COQ8A: variants seen among roughly 807,000 people sequenced by gnomAD.
COQ8A encodes the protein coenzyme Q8A, also known as atypical kinase COQ8A, mitochondrial.
In COQ8A, 51 loss-of-function variants were observed where a neutral mutation model predicts 65.0. The ratio of observed to expected loss-of-function variants is 0.78; its 90% CI spans 0.63 to 0.99. The LOEUF (loss-of-function observed/expected upper bound fraction) is 0.99. Among genes scored for constraint, COQ8A ranks in the 50% least tolerant of loss-of-function variants. The probability of loss-of-function intolerance (pLI) is 0.00; values close to 1 mark genes in which losing one functional copy is unlikely to be tolerated. For synonymous variants in COQ8A, 371 were observed against 353.2 expected, an observed-to-expected ratio of 1.05 and a Z score of -0.57; for missense variants, 940 against 875.0, an observed-to-expected ratio of 1.07 and a Z score of -0.94.
intron 1 of COQ8A, among the ~76,000 whole-genome samples, chr1:226,953,674 C>T (rs1269007539): frequency 6.6e-6 from 1 of 152,192 alleles, no homozygotes; most frequent in African/African-American, 2.4e-5. Flanking sequence ...TCTTTCTCAT[C>T]TCCTGGGTTC....
chr1:226,982,217 G>C, intron 6 of COQ8A, 68 bp downstream of exon 6: 1 of 1,531,304 alleles, frequency 6.5e-7, no homozygotes, highest in African/African-American at 1.4e-5. Context: ...TTCCAGGGCC[G>C]GGAGCAGTGG....
chr1:226,953,417 T>TACATTCTTGTAGTGAATGTTC (rs1233335725), intron 1 of COQ8A, among the ~76,000 whole-genome samples: 4 of 152,266 alleles, frequency 2.6e-5, no homozygotes, highest in African/African-American at 9.6e-5. Context: ...TTGTGATGTT[T>TACATTCTTGTAGTGAATGTTC]ACATTCTTGT....
rs1658939230 is a variant in COQ8A, at chr1:226,972,052, C to A, written c.656-5397C>A. Among the ~76,000 whole-genome samples, 1 of 152,194 alleles carries A rather than the reference C, an allele frequency of 6.6e-6. No homozygotes were observed. The highest frequency in any genetic ancestry group is 1.5e-5 in the Non-Finnish European group (1 of 68,028). On this transcript the variant is annotated intron_variant, in intron 4 of 14. Coordinates refer to ENST00000366777, the MANE Select transcript of COQ8A (RefSeq NM_020247.5). The surrounding 1 kb of genome is among the most constrained non-coding windows in gnomAD (Gnocchi z 4.3). ...TCCATGCCTTTTTCCATTTATCCTT[C>A]AGTCTTGCAGGTTTAGAGGAGATGA...
At position 226,967,480 on chromosome 1, in the gene COQ8A, A is replaced by T. The variant is rs12562621; in HGVS notation, c.655+1743A>T. Among the ~76,000 whole-genome samples the T allele has an allele frequency of 2.5e-3, 376 of 152,284 alleles. 9 individuals carry two copies. In the East Asian group the frequency reaches 0.046, roughly 19 times the overall value. On this transcript the variant is annotated intron_variant, in intron 4 of 14. Transcript: ENST00000366777. ...AGCGGTAGAGCTAATGCAGGCTGTT[A>T]GGGAAAAGTGGTCAGAATGAAAGTC...
At chr1:226,986,336 C>T (rs1660110816) in intron 14 of COQ8A, 117 bp from the exon 15 acceptor site, 2 of 1,179,436 alleles carry the variant, frequency 1.7e-6, no homozygotes, top group Non-Finnish European at 2.4e-6. Context: ...ATGATGTAAT[C>T]CAGTTTACAG....
In COQ8A at chr1:226,984,152, A is replaced by C; in HGVS notation, c.1315A>C (p.Ser439Arg). 1 of 1,613,884 alleles carries C rather than the reference A, an allele frequency of 6.2e-7. No individual in the cohort carries two copies. The highest frequency in any genetic ancestry group is 8.5e-7 in the Non-Finnish European group (1 of 1,179,990). The change falls in exon 11 of 15, where the codon AGC becomes CGC. Residue 439 changes from serine (S) to arginine (R), a missense_variant. Physicochemically the swap from Ser to Arg is moderately radical, Grantham distance 110. Coordinates refer to ENST00000366777, the MANE Select transcript of COQ8A (RefSeq NM_020247.5). ...YVPEIVDELC[S>R]PHVLTTELVS... ...GCCTGAGATTGTGGATGAGCTCTGC[A>C]GCCCACATGTGCTGACCACAGAGCT...
intron 1 of COQ8A, among the ~76,000 whole-genome samples, chr1:226,956,285 CACTCTCCCTGGTTCA>C (rs1558184069): frequency 1.9e-5 from 2 of 106,056 alleles, no homozygotes; most frequent in African/African-American, 8.8e-5. Flanking sequence ...CCCTGGCTTC[CACTCTCCCTGGTTCA>C]CACTCTCCCT....
rs1659913550 is a variant in COQ8A, at chr1:226,984,139, G to A, written c.1302G>A (p.Val434=). The change falls in exon 11 of 15, where the codon GTG becomes GTA. Residue 434 remains valine, a synonymous_variant. Coordinates refer to ENST00000366777, the MANE Select transcript of COQ8A (RefSeq NM_020247.5). ...CCTTCTTCTATGTGCCTGAGATTGT[G>A]GATGAGCTCTGCAGCCCACATGTGC... ...GHPFFYVPEI[V]DELCSPHVLT... 6.2e-7 allele frequency: 1 copy of A among 1,613,868 alleles called. No individual in the cohort carries two copies. The highest frequency in any genetic ancestry group is 8.5e-7 in the Non-Finnish European group (1 of 1,180,006).
rs545050053 is a variant in COQ8A, at chr1:226,949,957, C to A, written c.-10+9558C>A. ...GAACCCAGATCACCTAACCTCAGAG[C>A]ATCTTAACCATGTCACCAGTATCAC... On this transcript the variant is annotated intron_variant, in intron 1 of 14. Coordinates refer to ENST00000366777, the MANE Select transcript of COQ8A (RefSeq NM_020247.5). The surrounding 1 kb of genome is among the most constrained non-coding windows in gnomAD (Gnocchi z 4.0). 6.6e-6 allele frequency among the ~76,000 whole-genome samples: 1 copy of A among 152,288 alleles called. No individual in the cohort carries two copies. Among genetic ancestry groups the A allele is most frequent in the East Asian group, 1.9e-4 (1 of 5,186 alleles).
In COQ8A at chr1:226,962,354, T is replaced by A. The variant is rs182267226; in HGVS notation, c.177+792T>A. Among the ~76,000 whole-genome samples, 715 of 152,254 alleles carry A rather than the reference T, an allele frequency of 4.7e-3. 4 individuals are homozygous for A. The highest frequency in any genetic ancestry group is 0.017 in the African/African-American group (687 of 41,550). ...GTCCAGGAAGCCTTGATGTCTTACC[T>A]CCAAGGGGTGATTTTCAGTGAAATC... On this transcript the variant is annotated intron_variant, in intron 2 of 14. Coordinates refer to ENST00000366777, the MANE Select transcript of COQ8A (RefSeq NM_020247.5).
intron 2 of COQ8A, among the ~76,000 whole-genome samples, chr1:226,963,065 G>A (rs1658346671): frequency 6.6e-6 from 1 of 152,244 alleles, no homozygotes; most frequent in African/African-American, 2.4e-5. Flanking sequence ...GCCTGCCCAG[G>A]AGTGGGACAG....
At chr1:226,959,520 A>G (rs985446832) in intron 1 of COQ8A, among the ~76,000 whole-genome samples, 1 of 152,022 alleles carries the variant, frequency 6.6e-6, no homozygotes, top group Non-Finnish European at 1.5e-5. Flanking sequence ...GGTCAGCGAT[A>G]TTTGTCAAAG....
chr1:226,965,101 C>T lies in COQ8A; in HGVS notation c.279C>T (p.Phe93=), dbSNP rs753305806. The T allele has an allele frequency of 6.3e-5, 102 of 1,613,918 alleles. No homozygotes were observed. The highest frequency in any genetic ancestry group is 3.3e-4 in the Admixed American group (20 of 60,012). The part of the protein sequence containing the change: ...VPHAAGASTD[F]SSASAPDQSA... ...ATGCAGCCGGAGCCTCCACAGACTT[C>T]TCTTCAGCCTCCGCTCCCGACCAGT... The change falls in exon 3 of 15, where the codon TTC becomes TTT. Residue 93 remains phenylalanine (F), a synonymous_variant. Coordinates refer to ENST00000366777, the MANE Select transcript of COQ8A (RefSeq NM_020247.5).
At chr1:226,942,460 A>G (rs569342525) in intron 1 of COQ8A, among the ~76,000 whole-genome samples, 1 of 151,992 alleles carries the variant, frequency 6.6e-6, no homozygotes, top group Non-Finnish European at 1.5e-5. Flanking sequence ...CTTCTCGGGG[A>G]TACTGCAAGA....
intron 1 of COQ8A, among the ~76,000 whole-genome samples, chr1:226,961,164 C>T (rs778663899): frequency 4.6e-5 from 7 of 152,194 alleles, no homozygotes; most frequent in Admixed American, 1.3e-4. Flanking sequence ...ACTGACTCAA[C>T]GGCCTTTATT....
chr1:226,960,458 A>ATG (rs1558187534), intron 1 of COQ8A, among the ~76,000 whole-genome samples: 1 of 11,670 alleles, frequency 8.6e-5, no homozygotes. Flanking sequence ...TGGTGGTGGC[A>ATG]GTACTTGGTG....
At chr1:226,960,393 T>C (rs1658136741) in intron 1 of COQ8A, among the ~76,000 whole-genome samples, 5 of 1,458 alleles carry the variant, frequency 3.4e-3, no homozygotes, top group South Asian at 0.017. Flanking sequence ...GTGGTGTCAG[T>C]GGTGGTACTT....
At chr1:226,982,796 G>A in intron 7 of COQ8A, 33 bp downstream of exon 7, 2 of 1,613,234 alleles carry the variant, frequency 1.2e-6, no homozygotes, top group African/African-American at 2.7e-5. Context: ...CACTCTCTGT[G>A]GCCTCGGCCC....
intron 2 of COQ8A, 75 bp downstream of exon 2, chr1:226,961,637 C>G: frequency 6.6e-7 from 1 of 1,505,040 alleles, no homozygotes; most frequent in Non-Finnish European, 8.9e-7. Flanking sequence ...AGACCAAGGG[C>G]TGTGACCATG....
Sources: gnomAD v4.1 joint callset for allele counts (sites outside exome capture counted in the v4.1 genomes callset) on GRCh38, gnomAD v4.1.1 for gene constraint, Gnocchi (gnomAD v3.1) non-coding constraint, MANE v1.5 for transcripts, NCBI Gene and HGNC (gene_info 2026-07-23, HGNC 2026-07-21) for gene names.